Variants in ROCK1 observed in about 807,000 individuals in gnomAD.
ROCK1 encodes the protein Rho associated coiled-coil containing protein kinase 1, also known as rho-associated protein kinase 1.
Under a neutral mutation model 196.8 loss-of-function variants are expected in ROCK1, and 36 were observed. The ratio of observed to expected loss-of-function variants is 0.18; its 90% CI spans 0.14 to 0.24. The LOEUF (loss-of-function observed/expected upper bound fraction) is 0.24, where lower values mean the gene tolerates loss of function less well. ROCK1 is among the 10% of genes least tolerant of loss of function. The pLI, the probability that ROCK1 is intolerant of heterozygous loss-of-function variation, is 1.00. For missense variants in ROCK1, 920 were observed against 1,562.0 expected (o/e 0.59, Z 6.93); for synonymous variants, 443 against 515.9 (o/e 0.86, Z 1.91).
chr18:21,052,767 T>C (rs1204130258), intron 2 of ROCK1, among the ~76,000 whole-genome samples: 1 of 152,102 alleles, frequency 6.6e-6, no homozygotes, highest in Admixed American at 6.6e-5. Flanking sequence ...TGAGGTGGAA[T>C]AGTTTCATAA....
chr18:21,105,250 A>G (rs530414757), intron 1 of ROCK1, among the ~76,000 whole-genome samples: 1 of 152,322 alleles, frequency 6.6e-6, no homozygotes, highest in African/African-American at 2.4e-5. Context: ...CTAGATTTCA[A>G]TCCAAGTTTA....
At chr18:20,998,899 G>A (rs879716197) in intron 16 of ROCK1, among the ~76,000 whole-genome samples, 5 of 151,946 alleles carry the variant, frequency 3.3e-5, no homozygotes, top group African/African-American at 4.8e-5. Flanking sequence ...GTGAGCCACC[G>A]CATCCGGCCC....
At chr18:21,031,624 A>T (rs1568388818) in intron 9 of ROCK1, among the ~76,000 whole-genome samples, 1 of 148,302 alleles carries the variant, frequency 6.7e-6, no homozygotes, top group Non-Finnish European at 1.5e-5. Flanking sequence ...AAAAAAAAAA[A>T]AGAAAATAAT....
chr18:21,061,801 T>C (rs558090846), intron 2 of ROCK1, among the ~76,000 whole-genome samples: 2 of 152,318 alleles, frequency 1.3e-5, no homozygotes, highest in African/African-American at 4.8e-5. Flanking sequence ...TACAAAGATA[T>C]TGTGTTCCAG....
intron 2 of ROCK1, among the ~76,000 whole-genome samples, chr18:21,064,263 ACT>A (rs748457160): frequency 1.3e-5 from 2 of 152,082 alleles, no homozygotes; most frequent in East Asian, 3.9e-4. Context: ...CTTTTGGAAG[ACT>A]CTGTGATTTA....
At chr18:20,957,761 G>A (rs1486470961) in intron 29 of ROCK1, among the ~76,000 whole-genome samples, 6 of 103,474 alleles carry the variant, frequency 5.8e-5, no homozygotes, top group Admixed American at 1.1e-4. Flanking sequence ...TGGGATTACA[G>A]GTGTGAGCCA....
intron 13 of ROCK1, among the ~76,000 whole-genome samples, chr18:21,014,734 A>G (rs1279900485): frequency 6.6e-6 from 1 of 152,216 alleles, no homozygotes; most frequent in Non-Finnish European, 1.5e-5. Context: ...ATACCATTCT[A>G]TAAGGGAAGA....
intron 22 of ROCK1, among the ~76,000 whole-genome samples, chr18:20,971,663 CAAAA>C (rs1481531633): frequency 4.4e-5 from 5 of 114,878 alleles, no homozygotes; most frequent in Admixed American, 1.2e-4. Flanking sequence ...GACTCCGTCT[CAAAA>C]ATAAATAAAT....
At chr18:20,988,020 C>T (rs2035591574) in intron 18 of ROCK1, among the ~76,000 whole-genome samples, 1 of 152,030 alleles carries the variant, frequency 6.6e-6, no homozygotes, top group Non-Finnish European at 1.5e-5. Context: ...GATGCCTTTA[C>T]TTCTGGCCTA....
chr18:20,968,702 G>A lies in ROCK1; in HGVS notation c.3003+70C>T, dbSNP rs1312678784. 8 of 914,596 alleles carry A rather than the reference G, an allele frequency of 8.7e-6. No homozygotes were observed. In the South Asian group the frequency reaches 1.1e-4, roughly 13 times the overall value. The allele number at this position is 914,596 out of a possible 1,614,324, so 56.7% of individuals were successfully genotyped here. ...TTGAACCTTATAAGCCTTGGTTTTA[G>A]GAAAAAGTGCATAAAGAGCAATGAT... On this transcript the variant is annotated intron_variant, in intron 25 of 32. Transcript: ENST00000399799.
intron 24 of ROCK1, 113 bp from the exon 25 acceptor site, chr18:20,968,973 G>T: frequency 1.1e-6 from 1 of 911,464 alleles, no homozygotes; most frequent in Non-Finnish European, 1.7e-6. Context: ...GTAACTTTCA[G>T]TAACTTCATT....
intron 13 of ROCK1, among the ~76,000 whole-genome samples, chr18:21,009,166 CTTTTTT>C (rs59587626): frequency 1.6e-5 from 2 of 122,026 alleles, no homozygotes; most frequent in Admixed American, 8.5e-5. Flanking sequence ...TTGAGACAGG[CTTTTTT>C]TTTTTTTTTT....
In ROCK1 at chr18:21,006,310, T is replaced by G. The variant is rs1488365010; in HGVS notation, c.1885+41A>C. 8.8e-6 allele frequency: 13 copies of G among 1,482,918 alleles called. No homozygotes were observed. In the East Asian group the frequency reaches 3.0e-4, roughly 34 times the overall value. 91.9% of individuals were successfully genotyped at this position (1,482,918 alleles called of 1,614,324 possible). ...AATGGTTAAAATGTTATAATAAATTTCATGTTACGTATATTTTACCACAAT... is the reference window on the plus strand; with the variant it reads ...AATGGTTAAAATGTTATAATAAATTGCATGTTACGTATATTTTACCACAAT... On this transcript the variant is annotated intron_variant, in intron 16 of 32. Transcript: ENST00000399799.
At chr18:21,049,295 A>G in intron 3 of ROCK1, 66 bp from the exon 4 acceptor site, 1 of 1,224,456 alleles carries the variant, frequency 8.2e-7, no homozygotes, top group East Asian at 2.6e-5. Context: ...GTTTCACAGA[A>G]CAATTTACTA....
chr18:21,090,609 G>C (rs903875232), intron 1 of ROCK1, among the ~76,000 whole-genome samples: 2 of 152,058 alleles, frequency 1.3e-5, no homozygotes, highest in African/African-American at 4.8e-5. Context: ...GTTATCCCCC[G>C]GATAGGTACA....
intron 2 of ROCK1, among the ~76,000 whole-genome samples, chr18:21,066,443 T>TGTTTTTAAG (rs1222900200): frequency 1.3e-5 from 2 of 152,190 alleles, no homozygotes; most frequent in Non-Finnish European, 2.9e-5. Context: ...TTAAACTTCA[T>TGTTTTTAAG]GTTTTTTAAG....
At chr18:21,034,053 A>G (rs1343855383) in intron 9 of ROCK1, among the ~76,000 whole-genome samples, 6 of 148,502 alleles carry the variant, frequency 4.0e-5, no homozygotes, top group Non-Finnish European at 7.5e-5. Context: ...AAAAAAAATG[A>G]AAAAAAAAGT....
chr18:21,049,263 T>G (rs754499580), intron 3 of ROCK1, 34 bp from the exon 4 acceptor site: 1 of 1,470,384 alleles, frequency 6.8e-7, no homozygotes, highest in Admixed American at 2.2e-5. Flanking sequence ...AATGAACCTT[T>G]TGTTAACATT....
intron 5 of ROCK1, 118 bp downstream of exon 5, chr18:21,045,174 G>A (rs1598541731): frequency 6.4e-6 from 6 of 941,286 alleles, no homozygotes; most frequent in Non-Finnish European, 9.1e-6. Flanking sequence ...CTTGAGTTCT[G>A]AAAGGTCACT....
Sources: allele counts gnomAD v4.1 joint callset (sites outside exome capture counted in the v4.1 genomes callset), GRCh38; gene constraint gnomAD v4.1.1; transcripts MANE v1.5; gene names NCBI Gene and HGNC (gene_info 2026-07-23, HGNC 2026-07-21).